Variants in ACOT8 observed in about 807,000 individuals in gnomAD.
The protein encoded by ACOT8 is acyl-coenzyme A thioesterase 8.
Under a neutral mutation model 38.4 loss-of-function variants are expected in ACOT8, and 31 were observed. The observed-to-expected ratio is 0.81, with a 90% confidence interval of 0.61 to 1.09. The LOEUF (loss-of-function observed/expected upper bound fraction) is 1.09, where lower values mean the gene tolerates loss of function less well. Among genes scored for constraint, ACOT8 ranks in the 50% least tolerant of loss-of-function variants. ACOT8 has a pLI of 0.00. For missense variants in ACOT8, 373 were observed against 421.8 expected, an observed-to-expected ratio of 0.88 and a Z score of 1.01; for synonymous variants, 158 against 170.3, an observed-to-expected ratio of 0.93 and a Z score of 0.56.
At chr20:45,854,303 G>A (rs185605388) in intron 2 of ACOT8, among the ~76,000 whole-genome samples, 369 of 133,068 alleles carry the variant, frequency 2.8e-3, no homozygotes, top group African/African-American at 9.2e-3. Context: ...TCCGCCTTCC[G>A]GGTTCACACC....
chr20:45,853,783 G>A (rs1985210757), intron 2 of ACOT8: 1 of 501,236 alleles, frequency 2.0e-6, no homozygotes, highest in South Asian at 2.0e-5. Context: ...AGAAGAGGGG[G>A]GCCAATCAAT....
At chr20:45,854,194 TAG>T (rs560990986) in intron 2 of ACOT8, among the ~76,000 whole-genome samples, 8 of 148,200 alleles carry the variant, frequency 5.4e-5, no homozygotes, top group South Asian at 2.1e-4. Context: ...CCACCACACA[TAG>T]GTTTTTTGTT....
intron 3 of ACOT8, among the ~76,000 whole-genome samples, chr20:45,848,178 G>A (rs970056133): frequency 6.6e-6 from 1 of 152,062 alleles, no homozygotes; most frequent in African/African-American, 2.4e-5. Flanking sequence ...CCAAAGTGCT[G>A]GGATTATAGG....
At chr20:45,843,882 TG>T in intron 4 of ACOT8, 161 bp from the exon 5 acceptor site, 1 of 1,375,120 alleles carries the variant, frequency 7.3e-7, no homozygotes, top group Non-Finnish European at 9.6e-7. Context: ...AGAAGTGAGA[TG>T]GCGACTTGGG....
chr20:45,847,441 G>GT (rs138383309), intron 3 of ACOT8, among the ~76,000 whole-genome samples: 7,596 of 150,656 alleles, frequency 0.05, 219 homozygotes, highest in South Asian at 0.1. Context: ...TATATATATG[G>GT]TTTTTTTTCC....
chr20:45,854,111 G>T, intron 2 of ACOT8: 1 of 589,960 alleles, frequency 1.7e-6, no homozygotes, highest in Non-Finnish European at 2.6e-6. Context: ...TATTGCCCTG[G>T]CTGGTCTTGA....
At chr20:45,850,538 T>C (rs1186985248) in intron 2 of ACOT8, among the ~76,000 whole-genome samples, 4 of 152,116 alleles carry the variant, frequency 2.6e-5, no homozygotes, top group Non-Finnish European at 5.9e-5. Context: ...GTCTAGCCAT[T>C]GTCTGTTTGT....
chr20:45,843,880 G>C, intron 4 of ACOT8, 159 bp from the exon 5 acceptor site: 1 of 1,393,866 alleles, frequency 7.2e-7, no homozygotes, highest in Non-Finnish European at 9.5e-7. Context: ...GGAGAAGTGA[G>C]ATGGCGACTT....
chr20:45,853,984 T>C (rs1402024336), intron 2 of ACOT8: 2 of 1,303,680 alleles, frequency 1.5e-6, no homozygotes, highest in African/African-American at 1.5e-5. Context: ...GGGCATCTGC[T>C]CTGGGGGTAA....
At position 45,848,439 on chromosome 20, in the gene ACOT8, A is replaced by G; in HGVS notation, c.488+11T>C. ...TTGAAAAGTCTGCCATGGAGCCTCC[A>G]GGTCTCTCACCTTAAATACTGGTCA... On this transcript the variant is annotated intron_variant, in intron 3 of 5. Transcript: ENST00000217455. The G allele has an allele frequency of 6.4e-7, 1 of 1,565,310 alleles. No individual in the cohort carries two copies. Among genetic ancestry groups the G allele is most frequent in the Admixed American group, 1.9e-5 (1 of 53,822 alleles).
chr20:45,852,396 C>G (rs1284695980), intron 2 of ACOT8, among the ~76,000 whole-genome samples: 1 of 151,628 alleles, frequency 6.6e-6, no homozygotes, highest in African/African-American at 2.4e-5. Context: ...CCAGGCTGGT[C>G]TCGAACTCTT....
intron 2 of ACOT8, among the ~76,000 whole-genome samples, chr20:45,852,259 C>T (rs1428387995): frequency 1.3e-5 from 2 of 151,956 alleles, no homozygotes; most frequent in Admixed American, 1.3e-4. Context: ...CCTCCACCTC[C>T]AGGGTTCAAG....
At position 45,848,565 on chromosome 20, in the gene ACOT8, G is replaced by A; in HGVS notation, c.373C>T (p.Gln125Ter). The A allele has an allele frequency of 6.2e-7, 1 of 1,614,112 alleles. No individual in the cohort carries two copies. ...GGCTGGGCCTGCTGGAAGGAGGCCT[G>A]GCAGATGAAGATGGGCTTCCCATGT... ...VQHGKPIFIC[Q>*]ASFQQAQPSP... is the part of the protein sequence containing the mutation. Residue 125 changes from glutamine to a stop codon, truncating the protein, a stop_gained, in exon 3 of 6, where the codon CAG (glutamine) becomes TAG (stop). Transcript: ENST00000217455. LOFTEE classifies it high-confidence loss of function.
chr20:45,851,373 C>CA (rs896106546), intron 2 of ACOT8, among the ~76,000 whole-genome samples: 87 of 150,918 alleles, frequency 5.8e-4, no homozygotes, highest in East Asian at 9.7e-4. Flanking sequence ...GGGGAAAAAA[C>CA]AAAAAAAAAC....
chr20:45,844,891 G>GTT (rs1489097375), intron 3 of ACOT8, among the ~76,000 whole-genome samples: 1 of 152,088 alleles, frequency 6.6e-6, no homozygotes, highest in African/African-American at 2.4e-5. Context: ...GACAGGATTT[G>GTT]GACTCAGGCA....
At chr20:45,847,024 A>G (rs1170909768) in intron 3 of ACOT8, among the ~76,000 whole-genome samples, 1 of 152,144 alleles carries the variant, frequency 6.6e-6, no homozygotes, top group African/African-American at 2.4e-5. Context: ...CCTGGTCAAC[A>G]TAGCGAAACC....
chr20:45,851,254 A>G (rs1041940080), intron 2 of ACOT8, among the ~76,000 whole-genome samples: 3 of 152,220 alleles, frequency 2.0e-5, no homozygotes, highest in African/African-American at 7.2e-5. Flanking sequence ...CTCAAGGTTA[A>G]AGGCATTTGA....
rs764047505 is a variant in ACOT8 at position 45,841,821 on chromosome 20, G to A, written c.*17C>T. The A allele has an allele frequency of 1.6e-5, 26 of 1,585,540 alleles. No individual in the cohort carries two copies. Among genetic ancestry groups the A allele is most frequent in the East Asian group, 9.0e-5 (4 of 44,520 alleles). ...ATGGGAGGTTCTTGAAGCCCCAGGC[G>A]AAGCTGGTACCTCTGGCTACAGCTT... On this transcript the variant is annotated 3_prime_UTR_variant, in exon 6 of 6. Transcript: ENST00000217455.
chr20:45,842,662 G>C, intron 5 of ACOT8: 1 of 989,880 alleles, frequency 1.0e-6, no homozygotes, highest in Non-Finnish European at 1.2e-6. Flanking sequence ...AGCTCACTCA[G>C]TTCTCACAGT....
Sources: allele counts gnomAD v4.1 joint callset (sites outside exome capture counted in the v4.1 genomes callset), GRCh38; gene constraint gnomAD v4.1.1; transcripts MANE v1.5; gene names NCBI Gene and HGNC (gene_info 2026-07-23, HGNC 2026-07-21).